Variants in NOL4 observed in about 807,000 individuals in gnomAD.
The protein encoded by NOL4 is cancer/testis antigen 125.
NOL4 carries 17 observed loss-of-function variants against 75.9 expected under a neutral mutation model. The observed-to-expected ratio is 0.22, with a 90% CI of 0.15 to 0.34. The LOEUF is 0.34. NOL4 is among the 10% of genes least tolerant of loss of function. The pLI is 1.00. For synonymous variants in NOL4, 292 were observed against 289.9 expected (o/e 1.01, Z -0.07); for missense variants, 614 against 793.5 (o/e 0.77, Z 2.72).
chr18:34,211,725 T>A (rs2036528568), intron 1 of NOL4, among the ~76,000 whole-genome samples: 1 of 152,208 alleles, frequency 6.6e-6, no homozygotes, highest in African/African-American at 2.4e-5. Flanking sequence ...AATGAATATT[T>A]GATTAAAATT....
intron 5 of NOL4, among the ~76,000 whole-genome samples, chr18:34,065,586 T>G (rs1408446220): frequency 3.3e-5 from 5 of 151,838 alleles, no homozygotes; most frequent in Admixed American, 3.3e-4. Flanking sequence ...GATTCTGGCA[T>G]GCAAATGAGC....
At position 34,218,801 on chromosome 18, in the gene NOL4, T is replaced by C. The variant is rs191249622; in HGVS notation, c.264+4189A>G. 6.6e-5 allele frequency among the ~76,000 whole-genome samples: 10 copies of C among 152,346 alleles called. No individual in the cohort carries two copies. In the East Asian group the frequency reaches 9.6e-4, roughly 15 times the overall value. On this transcript the variant is annotated intron_variant, in intron 1 of 10. Coordinates refer to ENST00000261592, the MANE Select transcript of NOL4 (RefSeq NM_003787.5). Reference sequence around the variant, plus strand: ...ACTATGATGATTTGTCTTTGTGTCATAGATACAAAGTATCATGATAAATAA... The same window carrying C: ...ACTATGATGATTTGTCTTTGTGTCACAGATACAAAGTATCATGATAAATAA...
At chr18:33,982,890 G>A (rs996173901) in intron 6 of NOL4, among the ~76,000 whole-genome samples, 9 of 151,338 alleles carry the variant, frequency 5.9e-5, no homozygotes. Context: ...AGCTGGGATT[G>A]CAGGCATGTA....
chr18:34,201,756 AG>A (rs1375791804), intron 1 of NOL4, among the ~76,000 whole-genome samples: 72 of 151,960 alleles, frequency 4.7e-4, no homozygotes, highest in Non-Finnish European at 8.7e-4. Flanking sequence ...AAAATATTCT[AG>A]GGTCAGAATT....
chr18:33,950,111 C>T (rs2069110593), intron 8 of NOL4, among the ~76,000 whole-genome samples: 1 of 151,606 alleles, frequency 6.6e-6, no homozygotes, highest in Non-Finnish European at 1.5e-5. Flanking sequence ...AAAGTGTATA[C>T]CAATTCCATT....
In NOL4 at chr18:34,143,129, G is replaced by T. The variant is rs1236434575; in HGVS notation, c.265-13109C>A. ...GGAAGGGAAGAAACCAAGTGGAGGA[G>T]CTCATGCAATCCAAATTCAAACAAT... On this transcript the variant is annotated intron_variant, in intron 1 of 10. Transcript: ENST00000261592. 2.6e-5 allele frequency among the ~76,000 whole-genome samples: 4 copies of T among 152,098 alleles called. No homozygotes were observed. The East Asian group carries it at 7.7e-4, about 29-fold the overall frequency.
chr18:34,126,824 T>C (rs897596194), intron 2 of NOL4, among the ~76,000 whole-genome samples: 1 of 152,060 alleles, frequency 6.6e-6, no homozygotes, highest in Non-Finnish European at 1.5e-5. Context: ...ATTCAGATTA[T>C]ATTTTTTAGT....
chr18:34,074,041 A>C (rs566959544), intron 5 of NOL4, among the ~76,000 whole-genome samples: 1 of 151,934 alleles, frequency 6.6e-6, no homozygotes, highest in African/African-American at 2.4e-5. Flanking sequence ...GTTACTTATA[A>C]ATACATTAGA....
chr18:33,973,456 C>T (rs1188818416), intron 6 of NOL4, among the ~76,000 whole-genome samples: 1 of 152,132 alleles, frequency 6.6e-6, no homozygotes, highest in African/African-American at 2.4e-5. Context: ...TGATCTTCTC[C>T]CATGAATCAC....
At chr18:34,072,050 G>GT (rs929402862) in intron 5 of NOL4, among the ~76,000 whole-genome samples, 37 of 152,130 alleles carry the variant, frequency 2.4e-4, no homozygotes, top group Non-Finnish European at 7.4e-5. Context: ...GACCAAGATG[G>GT]TGAAACCACA....
At chr18:34,208,266 C>T (rs899487053) in intron 1 of NOL4, among the ~76,000 whole-genome samples, 1 of 151,962 alleles carries the variant, frequency 6.6e-6, no homozygotes, top group Middle Eastern at 3.2e-3. Flanking sequence ...TTAGTATAAT[C>T]AGTGGAAGGG....
chr18:33,883,510 C>A (rs2064442125), intron 9 of NOL4, 86 bp from the exon 10 acceptor site: 6 of 986,986 alleles, frequency 6.1e-6, no homozygotes, highest in South Asian at 2.6e-5. Context: ...TATCTAAATA[C>A]CTGCATTGAA....
chr18:33,934,861 CGT>C (rs1491129608), intron 9 of NOL4, among the ~76,000 whole-genome samples: 2,745 of 141,406 alleles, frequency 0.019, 81 homozygotes, highest in African/African-American at 0.069. Flanking sequence ...TGGAGTAGCA[CGT>C]TTTTTTTTTT....
intron 1 of NOL4, among the ~76,000 whole-genome samples, chr18:34,200,495 A>C (rs1007495890): frequency 3.3e-5 from 5 of 151,850 alleles, no homozygotes; most frequent in Admixed American, 6.6e-5. Flanking sequence ...TTGGTATGAT[A>C]GATGACAGTT....
At chr18:33,969,092 G>C (rs1298337194) in intron 6 of NOL4, among the ~76,000 whole-genome samples, 1 of 152,100 alleles carries the variant, frequency 6.6e-6, no homozygotes, top group Non-Finnish European at 1.5e-5. Flanking sequence ...TGAGATTTCA[G>C]GACATTTTAA....
intron 5 of NOL4, among the ~76,000 whole-genome samples, chr18:34,084,409 G>A (rs1328639299): frequency 6.6e-6 from 1 of 152,158 alleles, no homozygotes. Context: ...CGAGGATAAG[G>A]AAAGCAACTG....
chr18:33,881,974 A>T (rs1024167527), intron 10 of NOL4, among the ~76,000 whole-genome samples: 18 of 152,194 alleles, frequency 1.2e-4, no homozygotes, highest in Non-Finnish European at 2.6e-4. Context: ...CTATTTAATA[A>T]ATGTTGCTGG....
chr18:34,180,586 T>C (rs1162644514), intron 1 of NOL4, among the ~76,000 whole-genome samples: 1 of 151,338 alleles, frequency 6.6e-6, no homozygotes, highest in Non-Finnish European at 1.5e-5. Context: ...GTCACTTCTA[T>C]TCAACACTAT....
At chr18:33,868,885 G>C (rs56740575) in intron 10 of NOL4, among the ~76,000 whole-genome samples, 27,770 of 151,764 alleles carry the variant, frequency 0.18, 2,770 homozygotes, top group African/African-American at 0.24. Flanking sequence ...ACTATAATAT[G>C]TTAGTATTAT....
Sources: allele counts gnomAD v4.1 joint callset (sites outside exome capture counted in the v4.1 genomes callset), GRCh38; gene constraint gnomAD v4.1.1; transcripts MANE v1.5; gene names NCBI Gene and HGNC (gene_info 2026-07-23, HGNC 2026-07-21).